The following WIZ variants were observed in gnomAD, a reference collection of about 807,000 sequenced individuals.
The protein encoded by WIZ is WIZ zinc finger, also known as protein Wiz.
In WIZ, 25 loss-of-function variants were observed where a neutral mutation model predicts 140.2. The observed-to-expected ratio is 0.18, with a 90% confidence interval of 0.13 to 0.25. WIZ has a LOEUF of 0.25. WIZ is among the 10% of genes least tolerant of loss of function. The pLI, the probability that WIZ is intolerant of heterozygous loss-of-function variation, is 1.00. For missense variants in WIZ, 2,231 were observed against 2,632.6 expected, an observed-to-expected ratio of 0.85 and a Z score of 3.34; for synonymous variants, 1,125 against 1,154.3, an observed-to-expected ratio of 0.97 and a Z score of 0.51.
chr19:15,440,663 G>A lies in WIZ; in HGVS notation c.331C>T (p.Leu111Phe), dbSNP rs1969709087. 1 of 1,524,992 alleles carries A rather than the reference G, an allele frequency of 6.6e-7. No individual in the cohort carries two copies. The highest frequency in any genetic ancestry group is 1.4e-5 in the African/African-American group (1 of 72,710). The allele number at this position is 1,524,992 out of a possible 1,614,324, so 94.5% of individuals were successfully genotyped here. A position where few individuals can be genotyped will look rare whatever the true frequency, so the allele number is the denominator to read the frequency against. ...GGGGTACCTGGGAAATGGCCCAGGA[G>A]ATGGGGTGGTGGGGAGCCCGGCCGG... ...DFRPGSPPPH[L>F]LGHFPGTPDG... Residue 111 changes from leucine (L) to phenylalanine (F), a missense_variant, in exon 4 of 13, where the codon CTC (leucine) becomes TTC (phenylalanine). Coordinates refer to ENST00000673675, the MANE Select transcript of WIZ (RefSeq NM_001371589.1). This position sits in a 1 kb window ranked among gnomAD's most constrained non-coding sequence, Gnocchi z 6.2.
chr19:15,446,351 C>T (rs574391155), intron 2 of WIZ, among the ~76,000 whole-genome samples: 1 of 152,168 alleles, frequency 6.6e-6, no homozygotes, highest in Non-Finnish European at 1.5e-5. Context: ...GAGCCTGTAC[C>T]CTCAGGCTCC....
chr19:15,430,163 G>C (rs1217337993), intron 6 of WIZ, 74 bp from the exon 7 acceptor site: 10 of 1,438,930 alleles, frequency 6.9e-6, no homozygotes, highest in Non-Finnish European at 9.1e-6. Flanking sequence ...CTCCTCCCCT[G>C]AGAGTCCCAC....
Position 15,437,133 on chromosome 19 carries a change from T to A in WIZ, c.2417-4A>T. The A allele has an allele frequency of 3.8e-6, 6 of 1,588,912 alleles. No homozygotes were observed. The highest frequency in any genetic ancestry group is 4.3e-6 in the Non-Finnish European group (5 of 1,168,414). ...GTGCCTGGGTCAAAGTTGGCCACTG[T>A]GGAGAGAGGACAGGACTGCCTGAGG... On this transcript the variant is annotated splice_region_variant and splice_polypyrimidine_tract_variant and intron_variant, in intron 4 of 12. Coordinates refer to ENST00000673675, the MANE Select transcript of WIZ (RefSeq NM_001371589.1).
chr19:15,439,030 A>C lies in WIZ; in HGVS notation c.1964T>G (p.Leu655Arg), dbSNP rs1197337020. Residue 655 changes from leucine (L) to arginine (R), a missense_variant, in exon 4 of 13, where the codon CTG becomes CGG. Leu to Arg is a moderately radical substitution (Grantham distance 102). This residue lies in a region of WIZ where 475 missense variants were observed against 520.2 expected (regional missense o/e 0.91). Transcript: ENST00000673675. This position sits in a 1 kb window ranked among gnomAD's most constrained non-coding sequence, Gnocchi z 7.0. ...CTCTCGGAATGCCTGCTTCAGCTCCAGGGCCGCCTGCGGGATGAGGCTGGG... is the reference window on the plus strand; with the variant it reads ...CTCTCGGAATGCCTGCTTCAGCTCCCGGGCCGCCTGCGGGATGAGGCTGGG... ...ATPSLIPQAA[L>R]ELKQAFREAL... is the part of the protein sequence containing the mutation. The C allele has an allele frequency of 9.3e-6, 14 of 1,497,514 alleles. No homozygotes were observed. The highest frequency in any genetic ancestry group is 1.2e-5 in the Non-Finnish European group (13 of 1,127,986). The allele number at this position is 1,497,514 out of a possible 1,614,324, so 92.8% of individuals were successfully genotyped here.
intron 5 of WIZ, chr19:15,432,409 C>A (rs2145308237): frequency 1.0e-6 from 1 of 983,614 alleles, no homozygotes; most frequent in Admixed American, 6.2e-5. Flanking sequence ...CCCCTCCCCA[C>A]ACCCTCCCAA....
At position 15,436,875 on chromosome 19, in the gene WIZ, G is replaced by A. The variant is rs376914191; in HGVS notation, c.2671C>T (p.Pro891Ser). 1.2e-5 allele frequency: 19 copies of A among 1,612,692 alleles called. No individual in the cohort carries two copies. The highest frequency in any genetic ancestry group is 1.5e-5 in the Non-Finnish European group (18 of 1,179,510). ...AAGGGCACCGTGAGAGGTAAGCGGG[G>A]CCGACGGGAGGTCAGGAAGCTGCCA... Reference protein sequence around the residue: ...PPGSFLTSRRPRLPLTVPFPP... With the variant: ...PPGSFLTSRRSRLPLTVPFPP... Residue 891 changes from proline to serine, a missense_variant, in exon 5 of 13, where the codon CCC (proline) becomes TCC (serine). This residue lies in a region of WIZ where 137 missense variants were observed against 135.8 expected (regional missense o/e 1.01). Transcript: ENST00000673675.
In WIZ at chr19:15,429,970, C is replaced by T; in HGVS notation, c.3031G>A (p.Ala1011Thr). 1 of 1,536,010 alleles carries T rather than the reference C, an allele frequency of 6.5e-7. No individual in the cohort carries two copies. Among genetic ancestry groups the T allele is most frequent in the Non-Finnish European group, 8.7e-7 (1 of 1,146,828 alleles). Residue 1011 changes from alanine (A) to threonine (T), a missense_variant, in exon 7 of 13, where the codon GCA becomes ACA. Ala to Thr is a moderately conservative substitution (Grantham distance 58). This residue lies in a region of WIZ where 163 missense variants were observed against 166.8 expected (regional missense o/e 0.98). Transcript: ENST00000673675. Reference protein sequence around the residue: ...LGVAESESSGAPIDLLYELVK... With the variant: ...LGVAESESSGTPIDLLYELVK... ...AGCTCGTAGAGGAGGTCGATGGGTG[C>T]GCCGCTGCTTTCCGACTCTGCCACT...
At position 15,428,564 on chromosome 19, in the gene WIZ, G is replaced by A; in HGVS notation, c.3416-56C>T. 6.5e-7 allele frequency: 1 copy of A among 1,534,524 alleles called. No homozygotes were observed. The highest frequency in any genetic ancestry group is 8.7e-7 in the Non-Finnish European group (1 of 1,146,318). ...GGCCGCCACCTTGGCCGGCCTTGGG[G>A]GCCTGAGGTAGGAGGGTCTGGTGTG... is the stretch of plus-strand genomic sequence containing the variant. On this transcript the variant is annotated intron_variant, in intron 7 of 12. Transcript: ENST00000673675. This position sits in a 1 kb window ranked among gnomAD's most constrained non-coding sequence, Gnocchi z 6.4.
At chr19:15,447,529 G>A (rs1349986572) in intron 2 of WIZ, among the ~76,000 whole-genome samples, 2 of 152,242 alleles carry the variant, frequency 1.3e-5, no homozygotes, top group Non-Finnish European at 2.9e-5. Flanking sequence ...TCTTCCCAGT[G>A]CCTAGCACAT....
Position 15,423,102 on chromosome 19 carries a change from G to A in WIZ, c.5644C>T (p.Gln1882Ter). The A allele has an allele frequency of 6.2e-7, 1 of 1,612,220 alleles. No individual in the cohort carries two copies. Among genetic ancestry groups the A allele is most frequent in the East Asian group, 2.2e-5 (1 of 44,874 alleles). ...TAGGGAGCCTCTGCCGCCGCTGTCT[G>A]TGCCTGCGGGGCCTGGGACTCCTCA... is the stretch of plus-strand genomic sequence containing the variant. ...PPEESQAPQA[Q>*]TAAAEAP The change falls in exon 13 of 13, where the codon CAG (glutamine) becomes TAG (stop). Residue 1882 changes from glutamine (Q) to a stop codon, truncating the protein, a stop_gained. Transcript: ENST00000673675. LOFTEE classifies it high-confidence loss of function.
At chr19:15,444,543 C>A (rs922936601) in intron 2 of WIZ, among the ~76,000 whole-genome samples, 2 of 152,170 alleles carry the variant, frequency 1.3e-5, no homozygotes, top group Non-Finnish European at 2.9e-5. Flanking sequence ...TGTCACCAAA[C>A]ATTACCAAAG....
chr19:15,429,535 C>T, intron 7 of WIZ, 51 bp downstream of exon 7: 1 of 1,329,762 alleles, frequency 7.5e-7, no homozygotes, highest in Non-Finnish European at 9.6e-7. Context: ...ACCTGAGGTC[C>T]CGACCCTCCC....
rs745504345 is a variant in WIZ, at chr19:15,424,872, C to T, written c.5055G>A (p.Gln1685=). 6.2e-7 allele frequency: 1 copy of T among 1,611,042 alleles called. No homozygotes were observed. The highest frequency in any genetic ancestry group is 1.7e-5 in the Admixed American group (1 of 59,844). The part of the protein sequence containing the change: ...TLSEWIKHRP[Q]KVGAYRSYIQ... ...TGTAGCTGCGGTAGGCGCCCACCTTCTGGGGCCGGTGTTTGATCCACTCGC... is the reference window on the plus strand; with the variant it reads ...TGTAGCTGCGGTAGGCGCCCACCTTTTGGGGCCGGTGTTTGATCCACTCGC... The change falls in exon 11 of 13, where the codon CAG becomes CAA. Residue 1685 remains glutamine (Q), a synonymous_variant. Coordinates refer to ENST00000673675, the MANE Select transcript of WIZ (RefSeq NM_001371589.1). The surrounding 1 kb of genome is among the most constrained non-coding windows in gnomAD (Gnocchi z 9.7).
At chr19:15,434,650 C>A (rs1433767015) in intron 5 of WIZ, among the ~76,000 whole-genome samples, 5 of 151,828 alleles carry the variant, frequency 3.3e-5, no homozygotes, top group Non-Finnish European at 7.4e-5. Flanking sequence ...GTCCCAGGGG[C>A]GATACCCCCT....
rs1484689202 is a variant in WIZ, at chr19:15,425,815, AGGGAGGAGGAG to A, written c.4367-58_4367-48del. 4.1e-5 allele frequency: 16 copies of A among 391,060 alleles called. 3 individuals carry two copies. The highest frequency in any genetic ancestry group is 2.7e-4 in the Admixed American group (3 of 11,314). The allele number at this position is 391,060 out of a possible 1,614,324, so 24.2% of individuals were successfully genotyped here. A position where few individuals can be genotyped will look rare whatever the true frequency, so the allele number is the denominator to read the frequency against. ...GGGAAGGAGGAGGAGGAGGAGGAGG[AGGGAGGAGGAG>A]GGAGGAGGAGGGAGGAGGAGGAGGG... On this transcript the variant is annotated intron_variant, in intron 9 of 12. Coordinates refer to ENST00000673675, the MANE Select transcript of WIZ (RefSeq NM_001371589.1).
chr19:15,439,004 C>A lies in WIZ; in HGVS notation c.1990G>T (p.Ala664Ser). 1.3e-6 allele frequency: 2 copies of A among 1,489,724 alleles called. No homozygotes were observed. The highest frequency in any genetic ancestry group is 1.8e-6 in the Non-Finnish European group (2 of 1,123,132). The allele number at this position is 1,489,724 out of a possible 1,614,324, so 92.3% of individuals were successfully genotyped here. The change falls in exon 4 of 13, where the codon GCC becomes TCC. Residue 664 changes from alanine to serine, a missense_variant. By Grantham distance (99) the Ala-to-Ser change is moderately conservative. Transcript: ENST00000673675. The surrounding 1 kb of genome is among the most constrained non-coding windows in gnomAD (Gnocchi z 7.0). ...ALELKQAFREALQAVEATQGQ... is the reference protein window; with the variant it reads ...ALELKQAFRESLQAVEATQGQ... ...TGGGTGGCCTCTACTGCCTGCAGGG[C>A]CTCTCGGAATGCCTGCTTCAGCTCC...
At position 15,448,096 on chromosome 19, in the gene WIZ, C is replaced by A; in HGVS notation, c.205+7G>T. The A allele has an allele frequency of 6.2e-7, 1 of 1,612,266 alleles. No individual in the cohort carries two copies. Among genetic ancestry groups the A allele is most frequent in the South Asian group, 1.1e-5 (1 of 91,048 alleles). On this transcript the variant is annotated splice_region_variant and intron_variant, in intron 2 of 12. Coordinates refer to ENST00000673675, the MANE Select transcript of WIZ (RefSeq NM_001371589.1). ...CTCCCTGGGGGCCACACGGCCCATT[C>A]TCTTACCAGAGATGCCACCTCTGCC...
rs537782655 is a variant in WIZ, at chr19:15,442,418, G to T, written c.278+258C>A. Reference sequence around the variant, plus strand: ...ACCTGGCAGAGAGAGGACTTGAAGGGTCCAACATCCAGGCTCCTGCCCCTC... The same window carrying T: ...ACCTGGCAGAGAGAGGACTTGAAGGTTCCAACATCCAGGCTCCTGCCCCTC... On this transcript the variant is annotated intron_variant, in intron 3 of 12. Coordinates refer to ENST00000673675, the MANE Select transcript of WIZ (RefSeq NM_001371589.1). The surrounding 1 kb of genome is among the most constrained non-coding windows in gnomAD (Gnocchi z 5.5). 2.0e-5 allele frequency among the ~76,000 whole-genome samples: 3 copies of T among 152,268 alleles called. No individual in the cohort carries two copies. Among genetic ancestry groups the T allele is most frequent in the Admixed American group, 2.0e-4 (3 of 15,306 alleles).
Position 15,436,985 on chromosome 19 carries a change from G to T in WIZ, c.2561C>A (p.Pro854His). 6.2e-7 allele frequency: 1 copy of T among 1,613,862 alleles called. No homozygotes were observed. Among genetic ancestry groups the T allele is most frequent in the Non-Finnish European group, 8.5e-7 (1 of 1,179,862 alleles). Residue 854 changes from proline (P) to histidine (H), a missense_variant, in exon 5 of 13, where the codon CCC becomes CAC. By Grantham distance (77) the Pro-to-His change is moderately conservative. This residue lies in a region of WIZ where 118 missense variants were observed against 209.1 expected (regional missense o/e 0.56). Coordinates refer to ENST00000673675, the MANE Select transcript of WIZ (RefSeq NM_001371589.1). Reference sequence around the variant, plus strand: ...CAGCAGCTCCTGCAGGATGTTGATGGGTGAGACAGTGAGCTCCCAGTTGGT... The same window carrying T: ...CAGCAGCTCCTGCAGGATGTTGATGTGTGAGACAGTGAGCTCCCAGTTGGT... ...GITNWELTVS[P>H]INILQELLAT...
Sources: gnomAD v4.1 joint callset for allele counts (sites outside exome capture counted in the v4.1 genomes callset) on GRCh38, gnomAD v4.1.1 for gene constraint, gnomAD v4.1.1 regional missense constraint, Gnocchi (gnomAD v3.1) non-coding constraint, MANE v1.5 for transcripts, NCBI Gene and HGNC (gene_info 2026-07-23, HGNC 2026-07-21) for gene names.